The following AGBL3 variants were observed in gnomAD, a reference collection of about 807,000 sequenced individuals.
AGBL3 encodes the protein cytosolic carboxypeptidase 3.
In AGBL3, 68 loss-of-function variants were observed where a neutral mutation model predicts 94.5. The observed-to-expected ratio is 0.72, with a 90% CI of 0.59 to 0.88. The LOEUF (loss-of-function observed/expected upper bound fraction) is 0.88, where lower values mean the gene tolerates loss of function less well. Ranked by LOEUF, AGBL3 falls within the 40% of genes least tolerant of loss-of-function variation. The pLI is 0.00. For missense variants in AGBL3, 934 were observed against 1,103.8 expected (o/e 0.85, Z 2.18); for synonymous variants, 354 against 370.7 (o/e 0.95, Z 0.52).
At chr7:135,038,789 G>C (rs891786034) in intron 8 of AGBL3, among the ~76,000 whole-genome samples, 1 of 152,040 alleles carries the variant, frequency 6.6e-6, no homozygotes, top group Admixed American at 6.6e-5. Flanking sequence ...GTGAAACCCC[G>C]TCTCTACTAA....
chr7:135,115,158 G>C (rs1427969393), intron 15 of AGBL3, among the ~76,000 whole-genome samples: 2 of 151,988 alleles, frequency 1.3e-5, no homozygotes. Context: ...AACCCCTCAA[G>C]AATTCTCTAC....
intron 4 of AGBL3, chr7:135,011,837 A>C (rs1651125090): frequency 6.6e-6 from 1 of 152,132 alleles, no homozygotes; most frequent in Admixed American, 6.6e-5. Flanking sequence ...AAATTGGTAT[A>C]ATCATTTTGG....
intron 11 of AGBL3, 74 bp downstream of exon 11, chr7:135,045,985 T>C: frequency 9.8e-7 from 1 of 1,023,266 alleles, no homozygotes; most frequent in Non-Finnish European, 1.4e-6. Flanking sequence ...TACCAGCATT[T>C]TATTGTCAGT....
At chr7:135,110,684 ATG>A (rs1825504757) in intron 15 of AGBL3, among the ~76,000 whole-genome samples, 1 of 152,150 alleles carries the variant, frequency 6.6e-6, no homozygotes, top group African/African-American at 2.4e-5. Context: ...TATGAATCCA[ATG>A]TGTGTACCTG....
At chr7:135,067,896 T>G (rs182782116) in intron 12 of AGBL3, among the ~76,000 whole-genome samples, 65 of 152,196 alleles carry the variant, frequency 4.3e-4, no homozygotes, top group African/African-American at 1.5e-3. Context: ...GGAAAATGAC[T>G]GACGAGTTGA....
chr7:135,026,057 TGAGCAACTG>T (rs1264029017), intron 5 of AGBL3, among the ~76,000 whole-genome samples: 2 of 151,382 alleles, frequency 1.3e-5, no homozygotes, highest in African/African-American at 4.8e-5. Context: ...ACTGGACACT[TGAGCAACTG>T]GACCTAATAG....
chr7:135,033,093 T>C lies in AGBL3; in HGVS notation c.557+111T>C, dbSNP rs548196709. On this transcript the variant is annotated intron_variant, in intron 6 of 16. Coordinates refer to ENST00000436302, the MANE Select transcript of AGBL3 (RefSeq NM_178563.4). ...TATGAAACTGTAATTCCTTGAAGTA[T>C]GGATACTATTAATAATTAGAAATTG... The C allele has an allele frequency of 4.8e-4, 513 of 1,067,612 alleles. 2 individuals are homozygous for C. In the South Asian group the frequency reaches 6.9e-3, roughly 14 times the overall value. The allele number at this position is 1,067,612 out of a possible 1,614,324, so 66.1% of individuals were successfully genotyped here.
intron 15 of AGBL3, among the ~76,000 whole-genome samples, chr7:135,114,977 C>T (rs1486862364): frequency 6.6e-6 from 1 of 152,164 alleles, no homozygotes; most frequent in African/African-American, 2.4e-5. Context: ...CTACTCCACC[C>T]ACTGATGCAT....
intron 16 of AGBL3, 178 bp downstream of exon 16, chr7:135,115,789 G>T: frequency 1.8e-6 from 1 of 550,836 alleles, no homozygotes; most frequent in East Asian, 2.9e-5. Context: ...ATAAATGAAG[G>T]AGTAAGTTAT....
intron 4 of AGBL3, among the ~76,000 whole-genome samples, chr7:135,008,972 T>G (rs1429512626): frequency 6.6e-6 from 1 of 152,056 alleles, no homozygotes; most frequent in Non-Finnish European, 1.5e-5. Flanking sequence ...AATCAAAAAG[T>G]CAGATAACAA....
chr7:135,023,532 G>C (rs1347907941), intron 5 of AGBL3, among the ~76,000 whole-genome samples: 1 of 152,160 alleles, frequency 6.6e-6, no homozygotes. Flanking sequence ...AATCTGCCTA[G>C]AGAGTAGGCA....
chr7:135,032,020 A>G (rs1163137348), intron 5 of AGBL3, among the ~76,000 whole-genome samples: 4 of 152,058 alleles, frequency 2.6e-5, no homozygotes, highest in Non-Finnish European at 5.9e-5. Flanking sequence ...CCAAGCAACA[A>G]TCTTTCCTCT....
rs200274325 is a variant in AGBL3 at position 135,034,310 on chromosome 7, G to A, written c.719G>A (p.Arg240His). 100 of 1,551,618 alleles carry A rather than the reference G, an allele frequency of 6.4e-5. 1 individual carries two copies. In the East Asian group the frequency reaches 1.6e-3, roughly 25 times the overall value. ...KPASLYSRGM[R>H]PLFYSEKEAK... Reference sequence around the variant, plus strand: ...GCTAGTCTTTACAGTCGGGGTATGCGCCCACTGTTCTATTCTGAAAAAGAG... The same window carrying A: ...GCTAGTCTTTACAGTCGGGGTATGCACCCACTGTTCTATTCTGAAAAAGAG... The change falls in exon 7 of 17, where the codon CGC (arginine) becomes CAC (histidine). Residue 240 changes from arginine to histidine, a missense_variant. Transcript: ENST00000436302.
chr7:134,997,362 G>A (rs1334316287), intron 4 of AGBL3, among the ~76,000 whole-genome samples: 2 of 152,166 alleles, frequency 1.3e-5, no homozygotes, highest in East Asian at 1.9e-4. Flanking sequence ...TTGCTATGCG[G>A]CAGGGTCCAG....
At chr7:135,116,008 G>A (rs1030485459) in intron 16 of AGBL3, 2 of 155,062 alleles carry the variant, frequency 1.3e-5, no homozygotes, top group African/African-American at 4.8e-5. Flanking sequence ...GAAAGAGCGA[G>A]ACCAGTTTTC....
In AGBL3 at chr7:134,988,013, T is replaced by G. The variant is rs1369920685; in HGVS notation, c.63+17T>G. The G allele has an allele frequency of 6.6e-7, 1 of 1,508,482 alleles. No individual in the cohort carries two copies. Among genetic ancestry groups the G allele is most frequent in the African/African-American group, 1.4e-5 (1 of 71,624 alleles). 93.4% of individuals were successfully genotyped at this position (1,508,482 alleles called of 1,614,324 possible). ...GATGAATCGGTATGTTTTTCTCAACTTTATTTTACTTGGAGATAAAATTTG... is the reference window on the plus strand; with the variant it reads ...GATGAATCGGTATGTTTTTCTCAACGTTATTTTACTTGGAGATAAAATTTG... On this transcript the variant is annotated intron_variant, in intron 2 of 16. Coordinates refer to ENST00000436302, the MANE Select transcript of AGBL3 (RefSeq NM_178563.4).
intron 8 of AGBL3, among the ~76,000 whole-genome samples, chr7:135,038,974 C>T (rs1331354979): frequency 6.7e-6 from 1 of 148,302 alleles, no homozygotes; most frequent in African/African-American, 2.5e-5. Context: ...AAAAAAAAAA[C>T]TTTTTGTGAA....
intron 4 of AGBL3, among the ~76,000 whole-genome samples, chr7:134,997,133 T>G (rs972195680): frequency 6.6e-6 from 1 of 152,174 alleles, no homozygotes; most frequent in African/African-American, 2.4e-5. Flanking sequence ...CAGGCATTAG[T>G]TAGATTCTCA....
chr7:135,001,012 C>T (rs1811649366), intron 4 of AGBL3, among the ~76,000 whole-genome samples: 1 of 152,136 alleles, frequency 6.6e-6, no homozygotes. Flanking sequence ...CCCATTTAGC[C>T]AGTATACTGG....
Sources: allele counts gnomAD v4.1 joint callset (sites outside exome capture counted in the v4.1 genomes callset), GRCh38; gene constraint gnomAD v4.1.1; transcripts MANE v1.5; gene names NCBI Gene and HGNC (gene_info 2026-07-23, HGNC 2026-07-21).